Variants in SPAG9 observed in about 807,000 individuals in gnomAD.
SPAG9 encodes the protein C-Jun-amino-terminal kinase-interacting protein 4.
A neutral mutation model predicts 166.5 loss-of-function variants in SPAG9; 35 were observed. That is an observed-to-expected ratio of 0.21 (90% CI 0.16 to 0.28). SPAG9 has a LOEUF of 0.28. Ranked by LOEUF, SPAG9 falls within the 10% of genes least tolerant of loss-of-function variation. SPAG9 has a pLI of 1.00. For synonymous variants in SPAG9, 534 were observed against 565.5 expected (o/e 0.94, Z 0.79); for missense variants, 1,235 against 1,603.3 (o/e 0.77, Z 3.92).
In SPAG9 at chr17:51,047,472, AT is replaced by A; in HGVS notation, c.496-4del. The A allele has an allele frequency of 7.2e-7, 1 of 1,394,658 alleles. No homozygotes were observed. The allele number at this position is 1,394,658 out of a possible 1,614,324, so 86.4% of individuals were successfully genotyped here. On this transcript the variant is annotated splice_region_variant and splice_polypyrimidine_tract_variant and intron_variant, in intron 3 of 29. Coordinates refer to ENST00000262013, the MANE Select transcript of SPAG9 (RefSeq NM_001130528.3). ...TGTTCCATATAATTATGGATCATCT[AT>A]TTTAAAGAAAGAAAAAATACACAAT...
rs1191876542 is a variant in SPAG9 at position 50,989,049 on chromosome 17, A to G, written c.2813+628T>C. Among the ~76,000 whole-genome samples the G allele has an allele frequency of 2.0e-5, 3 of 152,188 alleles. No individual in the cohort carries two copies. In the East Asian group the frequency reaches 5.8e-4, roughly 29 times the overall value. On this transcript the variant is annotated intron_variant, in intron 21 of 29. Coordinates refer to ENST00000262013, the MANE Select transcript of SPAG9 (RefSeq NM_001130528.3). ...ATGGAAGACAGTAAGTACAAAAAAA[A>G]AGAAAAAAAAACAGATCAGAGGAGA...
chr17:51,098,565 T>C (rs553109736), intron 1 of SPAG9, among the ~76,000 whole-genome samples: 1 of 152,016 alleles, frequency 6.6e-6, no homozygotes, highest in African/African-American at 2.4e-5. Flanking sequence ...TGATCTCGGC[T>C]CACTGCAACG....
At chr17:51,110,402 A>C (rs2049073460) in intron 1 of SPAG9, among the ~76,000 whole-genome samples, 2 of 152,040 alleles carry the variant, frequency 1.3e-5, no homozygotes, top group Non-Finnish European at 1.5e-5. Flanking sequence ...AAAAAAAAAA[A>C]AACCCTAGCT....
Position 51,018,257 on chromosome 17 carries a change from C to T in SPAG9, c.1091+1902G>A, listed in dbSNP as rs557205299. On this transcript the variant is annotated intron_variant, in intron 8 of 29. Coordinates refer to ENST00000262013, the MANE Select transcript of SPAG9 (RefSeq NM_001130528.3). ...ACTTGGGAGGCTGAGGTGAGAGAAT[C>T]GCTTGAACCCGGGGGAGGGGGTGGG... Among the ~76,000 whole-genome samples the T allele has an allele frequency of 2.1e-4, 20 of 95,236 alleles. 1 individual carries two copies. In the East Asian group the frequency reaches 4.0e-3, roughly 19 times the overall value. 62.5% of individuals were successfully genotyped at this position (95,236 alleles called of 152,430 possible).
At chr17:51,012,192 C>T (rs8075835) in intron 9 of SPAG9, among the ~76,000 whole-genome samples, 37,619 of 151,758 alleles carry the variant, frequency 0.25, 5,384 homozygotes, top group Admixed American at 0.34. Flanking sequence ...ACTAATTATG[C>T]CTTAAAAGAA....
chr17:51,098,166 G>T (rs1203322405), intron 1 of SPAG9, among the ~76,000 whole-genome samples: 3 of 148,942 alleles, frequency 2.0e-5, no homozygotes, highest in South Asian at 2.1e-4. Context: ...TGTTATGTGT[G>T]TTTTTTTTTT....
At chr17:51,007,866 A>T (rs1240383764) in intron 9 of SPAG9, 1 of 449,412 alleles carries the variant, frequency 2.2e-6, no homozygotes, top group East Asian at 7.0e-5. Context: ...AAGCCCATGC[A>T]TTCCATGTAA....
chr17:51,050,605 C>T (rs2047152539), intron 3 of SPAG9, among the ~76,000 whole-genome samples: 6 of 152,058 alleles, frequency 3.9e-5, no homozygotes, highest in Admixed American at 3.9e-4. Flanking sequence ...TACCCTAAAG[C>T]ATTTCCTGAT....
intron 4 of SPAG9, chr17:51,047,066 G>A: frequency 2.6e-6 from 1 of 382,252 alleles, no homozygotes; most frequent in Non-Finnish European, 3.6e-6. Flanking sequence ...AATTACACGG[G>A]AGAAATAAAA....
chr17:51,079,747 CT>C (rs754771644), intron 1 of SPAG9, 43 bp from the exon 2 acceptor site: 1 of 1,346,812 alleles, frequency 7.4e-7, no homozygotes, highest in Non-Finnish European at 1.0e-6. Context: ...AGAAATTAAA[CT>C]TTACATTTTC....
intron 2 of SPAG9, among the ~76,000 whole-genome samples, chr17:51,071,185 T>C (rs1246878498): frequency 6.6e-6 from 1 of 152,206 alleles, no homozygotes; most frequent in Non-Finnish European, 1.5e-5. Context: ...TATTTTCAAC[T>C]GTATTAAAAT....
At chr17:51,095,296 TAAAAAAAA>T (rs71149343) in intron 1 of SPAG9, among the ~76,000 whole-genome samples, 149 of 83,514 alleles carry the variant, frequency 1.8e-3, no homozygotes, top group Middle Eastern at 9.6e-3. Flanking sequence ...ACTCCATCTT[TAAAAAAAA>T]AAAAAAAAAA....
In SPAG9 at chr17:51,021,618, A is replaced by C. The variant is rs551564595; in HGVS notation, c.784-253T>G. Among the ~76,000 whole-genome samples, 3 of 152,358 alleles carry C rather than the reference A, an allele frequency of 2.0e-5. No homozygotes were observed. In the East Asian group the frequency reaches 5.8e-4, roughly 29 times the overall value. ...AAAATTTGAAAATAAAAGAATTATT[A>C]GCAATAAAACTATACATTAATGTCA... On this transcript the variant is annotated intron_variant, in intron 6 of 29. Coordinates refer to ENST00000262013, the MANE Select transcript of SPAG9 (RefSeq NM_001130528.3).
intron 1 of SPAG9, among the ~76,000 whole-genome samples, chr17:51,090,757 T>C (rs1033792154): frequency 9.2e-5 from 14 of 152,342 alleles, no homozygotes; most frequent in African/African-American, 3.4e-4. Flanking sequence ...ATGGCTGATA[T>C]TTCTGTTACT....
intron 6 of SPAG9, among the ~76,000 whole-genome samples, chr17:51,024,128 TCTA>T (rs1224287646): frequency 1.3e-5 from 2 of 151,688 alleles, no homozygotes; most frequent in Admixed American, 1.3e-4. Context: ...AAACCCGTAA[TCTA>T]CTAAAAACAC....
At chr17:50,975,090 A>T (rs1263173800) in intron 27 of SPAG9, 143 bp from the exon 28 acceptor site, 1 of 693,740 alleles carries the variant, frequency 1.4e-6, no homozygotes, top group Admixed American at 3.7e-5. Context: ...AATTCAAGAC[A>T]AAGCTGGGAA....
intron 5 of SPAG9, among the ~76,000 whole-genome samples, chr17:51,040,242 G>C (rs1299799597): frequency 7.5e-6 from 1 of 133,616 alleles, no homozygotes; most frequent in Non-Finnish European, 1.6e-5. Context: ...GCAAGACTCT[G>C]TCTCAAAAAA....
intron 1 of SPAG9, among the ~76,000 whole-genome samples, chr17:51,088,680 C>T (rs2048363363): frequency 6.6e-6 from 1 of 152,134 alleles, no homozygotes; most frequent in African/African-American, 2.4e-5. Flanking sequence ...CGCCTGTAGT[C>T]CCAGCTACTC....
intron 3 of SPAG9, among the ~76,000 whole-genome samples, chr17:51,053,874 T>TATATATATAC (rs2047272503): frequency 1.0e-5 from 1 of 99,810 alleles, no homozygotes; most frequent in Non-Finnish European, 1.8e-5. Flanking sequence ...TATATATATA[T>TATATATATAC]ATATATATAT....
Sources: gnomAD v4.1 joint callset for allele counts (sites outside exome capture counted in the v4.1 genomes callset) on GRCh38, gnomAD v4.1.1 for gene constraint, MANE v1.5 for transcripts, NCBI Gene and HGNC (gene_info 2026-07-23, HGNC 2026-07-21) for gene names.